Variants in ZSCAN12 observed in about 807,000 individuals in gnomAD.
The protein encoded by ZSCAN12 is zinc finger and SCAN domain containing 12, also known as zinc finger and SCAN domain-containing protein 12.
In ZSCAN12, 18 loss-of-function variants were observed where a neutral mutation model predicts 23.4. The ratio of observed to expected loss-of-function variants is 0.77; its 90% CI spans 0.53 to 1.14. The LOEUF (loss-of-function observed/expected upper bound fraction) is 1.14, where lower values mean the gene tolerates loss of function less well. ZSCAN12 is among the 50% of genes most tolerant of loss of function. The probability of loss-of-function intolerance (pLI) is 0.00; values close to 1 mark genes in which losing one functional copy is unlikely to be tolerated. For missense variants in ZSCAN12, 650 were observed against 735.0 expected, an observed-to-expected ratio of 0.88 and a Z score of 1.34; for synonymous variants, 186 against 253.4, an observed-to-expected ratio of 0.73 and a Z score of 2.53.
Position 28,385,049 on chromosome 6 carries a change from G to C in ZSCAN12, c.*5405C>G, listed in dbSNP as rs548017627. 6.6e-6 allele frequency among the ~76,000 whole-genome samples: 1 copy of C among 152,236 alleles called. No individual in the cohort carries two copies. The highest frequency in any genetic ancestry group is 2.1e-4 in the South Asian group (1 of 4,824). On this transcript the variant is annotated 3_prime_UTR_variant, in exon 4 of 4. Coordinates refer to ENST00000684592, the MANE Select transcript of ZSCAN12 (RefSeq NM_001163391.2). ...GTAAAATTGGTAAGTCTTAAGCAAA[G>C]AAAAATATCATATATCACATATATG...
downstream of ZSCAN12, chr6:28,381,627 ACTAAAAGTT>A (rs1404572540): frequency 1.3e-5 from 2 of 151,620 alleles, no homozygotes; most frequent in African/African-American, 2.4e-5. Context: ...AGAGGATGCT[ACTAAAAGTT>A]CTAAAAGCTT....
rs774349833 is a variant in ZSCAN12 at position 28,398,209 on chromosome 6, C to T, written c.197G>A (p.Arg66Gln). 1.2e-5 allele frequency: 20 copies of T among 1,613,836 alleles called. No individual in the cohort carries two copies. In the Admixed American group the frequency reaches 2.5e-4, roughly 20 times the overall value. ...ETSGPREALS[R>Q]LRELCHQWLR... ...CCACTGATGGCAAAGTTCTCGGAGTCGGCTCAAAGCCTCACGGGGACCAGA... is the reference window on the plus strand; with the variant it reads ...CCACTGATGGCAAAGTTCTCGGAGTTGGCTCAAAGCCTCACGGGGACCAGA... The change falls in exon 2 of 4, where the codon CGA becomes CAA. Residue 66 changes from arginine to glutamine, a missense_variant. Physicochemically the swap from Arg to Gln is conservative, Grantham distance 43 (BLOSUM62 1). Transcript: ENST00000684592.
Position 28,386,268 on chromosome 6 carries a change from ATCTTAT to A in ZSCAN12, c.*4180_*4185del, listed in dbSNP as rs1349779828. 2.0e-5 allele frequency among the ~76,000 whole-genome samples: 3 copies of A among 152,200 alleles called. No homozygotes were observed. The highest frequency in any genetic ancestry group is 2.1e-4 in the South Asian group (1 of 4,832). ...TCAATTAGAAAAGACAAGCCAGTCA[ATCTTAT>A]TCTTATTCTTAATATTATTTGCAAG... On this transcript the variant is annotated 3_prime_UTR_variant, in exon 4 of 4. Transcript: ENST00000684592.
chr6:28,390,907 T>G lies in ZSCAN12; in HGVS notation c.1383A>C (p.Arg461Ser). The G allele has an allele frequency of 6.4e-7, 1 of 1,568,238 alleles. No individual in the cohort carries two copies. Among genetic ancestry groups the G allele is most frequent in the Non-Finnish European group, 8.7e-7 (1 of 1,155,996 alleles). The change falls in exon 4 of 4, where the codon AGA becomes AGC. Residue 461 changes from arginine to serine, a missense_variant. Physicochemically the swap from Arg to Ser is moderately radical, Grantham distance 110. Transcript: ENST00000684592. ...TGTAGGGTTTTTCCCCAGTGTGAAT[T>G]CTCTGATGCTGAATAAGGCCACTCT... ...FSQSGLIQHQ[R>S]IHTGEKPYKC... is the part of the protein sequence containing the mutation.
chr6:28,393,444 T>A (rs1241207044), intron 2 of ZSCAN12, among the ~76,000 whole-genome samples: 1 of 143,564 alleles, frequency 7.0e-6, no homozygotes. Context: ...AAAGGGGATA[T>A]GTAAAGGTAA....
chr6:28,392,822 C>G, intron 3 of ZSCAN12, 80 bp downstream of exon 3: 2 of 1,462,282 alleles, frequency 1.4e-6, no homozygotes, highest in Non-Finnish European at 9.2e-7. Context: ...TGATCAGAAA[C>G]AGTAGCAAGT....
At position 28,393,028 on chromosome 6, in the gene ZSCAN12, C is replaced by T; in HGVS notation, c.421G>A (p.Glu141Lys). The T allele has an allele frequency of 6.4e-7, 1 of 1,551,722 alleles. No homozygotes were observed. The highest frequency in any genetic ancestry group is 8.7e-7 in the Non-Finnish European group (1 of 1,146,976). Residue 141 changes from glutamate to lysine, a missense_variant, in exon 3 of 4, where the codon GAA (glutamate) becomes AAA (lysine). Physicochemically the swap from Glu to Lys is moderately conservative, Grantham distance 56 (BLOSUM62 1). Coordinates refer to ENST00000684592, the MANE Select transcript of ZSCAN12 (RefSeq NM_001163391.2). ...PGEQVSVHTGEQEMFLQETVR... is the reference protein window; with the variant it reads ...PGEQVSVHTGKQEMFLQETVR... The stretch of plus-strand genomic sequence containing the variant: ...GTCTCCTGCAAGAACATTTCCTGTT[C>T]CCCAGTGTGGACTGAGACCTGAGGA...
At position 28,393,011 on chromosome 6, in the gene ZSCAN12, C is replaced by A; in HGVS notation, c.438G>T (p.Leu146Phe). The change falls in exon 3 of 4, where the codon TTG becomes TTT. Residue 146 changes from leucine (L) to phenylalanine (F), a missense_variant. Coordinates refer to ENST00000684592, the MANE Select transcript of ZSCAN12 (RefSeq NM_001163391.2). ...CTTTTCGTAGACGTACCGTCTCCTG[C>A]AAGAACATTTCCTGTTCCCCAGTGT... ...SVHTGEQEMF[L>F]QETVRLRKEG... is the part of the protein sequence containing the mutation. The A allele has an allele frequency of 6.4e-7, 1 of 1,551,822 alleles. No individual in the cohort carries two copies. The highest frequency in any genetic ancestry group is 8.7e-7 in the Non-Finnish European group (1 of 1,147,002).
At chr6:28,381,498 GGAGTT>G (rs1760237725), downstream of ZSCAN12, 1 of 152,158 alleles carries the variant, frequency 6.6e-6, no homozygotes, top group African/African-American at 2.4e-5. Context: ...TGAAGCTAAA[GGAGTT>G]AAGTGGGTCA....
chr6:28,381,041 T>C (rs1760207779), downstream of ZSCAN12: 1 of 151,770 alleles, frequency 6.6e-6, no homozygotes, highest in Non-Finnish European at 1.5e-5. Flanking sequence ...AGGGTAGGAG[T>C]AGGGGGGTCC....
At chr6:28,397,015 C>T (rs1761143317) in intron 2 of ZSCAN12, among the ~76,000 whole-genome samples, 1 of 152,178 alleles carries the variant, frequency 6.6e-6, no homozygotes, top group Non-Finnish European at 1.5e-5. Flanking sequence ...CCCTAAGTTT[C>T]AAACTCTTTA....
chr6:28,396,005 G>T (rs1761087528), intron 2 of ZSCAN12, among the ~76,000 whole-genome samples: 1 of 147,798 alleles, frequency 6.8e-6, no homozygotes, highest in South Asian at 2.1e-4. Context: ...CCTACATCTT[G>T]TAGGTGTTTG....
intron 1 of ZSCAN12, among the ~76,000 whole-genome samples, chr6:28,399,355 G>A (rs1761296965): frequency 6.6e-6 from 1 of 152,212 alleles, no homozygotes; most frequent in South Asian, 2.1e-4. Flanking sequence ...GGACGCCGGC[G>A]AGCGTCTGTG....
At chr6:28,398,761 C>CAAAAAAAAAAAAA (rs775480746) in intron 1 of ZSCAN12, among the ~76,000 whole-genome samples, 1 of 72,784 alleles carries the variant, frequency 1.4e-5, no homozygotes, top group Non-Finnish European at 2.8e-5. Flanking sequence ...ACTAAAAATA[C>CAAAAAAAAAAAAA]AAAAAAAAAA....
Position 28,386,500 on chromosome 6 carries a change from C to G in ZSCAN12, c.*3954G>C, listed in dbSNP as rs1403286115. 6.6e-6 allele frequency among the ~76,000 whole-genome samples: 1 copy of G among 152,218 alleles called. No individual in the cohort carries two copies. Among genetic ancestry groups the G allele is most frequent in the Non-Finnish European group, 1.5e-5 (1 of 68,026 alleles). On this transcript the variant is annotated 3_prime_UTR_variant, in exon 4 of 4. Transcript: ENST00000684592. The stretch of plus-strand genomic sequence containing the variant: ...TTCCTAGGATCTTGTCACTGTCACA[C>G]CACATCTATATGTTATCCACAAAAT...
chr6:28,392,280 C>T (rs1009261196), intron 3 of ZSCAN12, among the ~76,000 whole-genome samples: 22 of 151,180 alleles, frequency 1.5e-4, no homozygotes, highest in Admixed American at 1.3e-3. Flanking sequence ...TAGGTTCAAG[C>T]GATTCTCCTG....
chr6:28,385,874 A>G lies in ZSCAN12; in HGVS notation c.*4580T>C, dbSNP rs7759597. ...ACAAAAGTGGCTACTTCTGTACTGA[A>G]TACAGGAATGCAGACTTGTCTAAGT... On this transcript the variant is annotated 3_prime_UTR_variant, in exon 4 of 4. Transcript: ENST00000684592. Among the ~76,000 whole-genome samples the G allele has an allele frequency of 2.5e-4, 38 of 152,364 alleles. No individual in the cohort carries two copies. The South Asian group carries it at 7.7e-3, about 31-fold the overall frequency.
chr6:28,382,379 A>G (rs557591816), downstream of ZSCAN12: 1 of 1,421,906 alleles, frequency 7.0e-7, no homozygotes, highest in Non-Finnish European at 9.2e-7. Context: ...AAGTCCAGGT[A>G]GCTATCTCCA....
intron 1 of ZSCAN12, among the ~76,000 whole-genome samples, chr6:28,398,761 C>CAA (rs775480746): frequency 0.073 from 5,322 of 72,648 alleles, 204 homozygotes; most frequent in Non-Finnish European, 0.12. Flanking sequence ...ACTAAAAATA[C>CAA]AAAAAAAAAA....
Sources: allele counts gnomAD v4.1 joint callset (sites outside exome capture counted in the v4.1 genomes callset), GRCh38; gene constraint gnomAD v4.1.1; transcripts MANE v1.5; gene names NCBI Gene and HGNC (gene_info 2026-07-23, HGNC 2026-07-21).